Variants in TMEM51 observed in about 807,000 individuals in gnomAD.
TMEM51 encodes the protein chromosome 1 open reading frame 72.
Under a neutral mutation model 13.6 loss-of-function variants are expected in TMEM51, and 8 were observed. That is an observed-to-expected ratio of 0.59 (90% CI 0.35 to 1.07). The LOEUF is 1.07. Among genes scored for constraint, TMEM51 ranks in the 50% least tolerant of loss-of-function variants. The probability of loss-of-function intolerance (pLI) is 0.02; values close to 1 mark genes in which losing one functional copy is unlikely to be tolerated. For synonymous variants in TMEM51, 147 were observed against 144.4 expected, an observed-to-expected ratio of 1.02 and a Z score of -0.13; for missense variants, 279 against 330.7, an observed-to-expected ratio of 0.84 and a Z score of 1.21.
At chr1:15,172,015 T>G (rs1643294418) in intron 1 of TMEM51, among the ~76,000 whole-genome samples, 1 of 152,146 alleles carries the variant, frequency 6.6e-6, no homozygotes, top group Admixed American at 6.5e-5. Context: ...AGGAATCAGA[T>G]TTTCAAACAA....
In TMEM51 at chr1:15,161,094, G is replaced by A. The variant is rs1258493979; in HGVS notation, c.-267+7140G>A. 3.3e-5 allele frequency among the ~76,000 whole-genome samples: 5 copies of A among 152,110 alleles called. No homozygotes were observed. Among genetic ancestry groups the A allele is most frequent in the South Asian group, 2.1e-4 (1 of 4,834 alleles). On this transcript the variant is annotated intron_variant, in intron 1 of 3. Coordinates refer to ENST00000376008, the MANE Select transcript of TMEM51 (RefSeq NM_001136218.2). This position sits in a 1 kb window ranked among gnomAD's most constrained non-coding sequence, Gnocchi z 4.0. Reference sequence around the variant, plus strand: ...GGTGGAGGCAACTGCCTGTGCAAAGGCCTCAAGGTGTAAAAGAGCTTCGTT... The same window carrying A: ...GGTGGAGGCAACTGCCTGTGCAAAGACCTCAAGGTGTAAAAGAGCTTCGTT...
chr1:15,172,325 A>G (rs1192321125), intron 1 of TMEM51, among the ~76,000 whole-genome samples: 2 of 146,066 alleles, frequency 1.4e-5, no homozygotes. Flanking sequence ...TCAAGGCTGC[A>G]GTGAGCCAAG....
intron 1 of TMEM51, among the ~76,000 whole-genome samples, chr1:15,198,919 G>T (rs906787021): frequency 6.6e-6 from 1 of 152,178 alleles, no homozygotes; most frequent in African/African-American, 2.4e-5. Context: ...GGTCAACCCC[G>T]TTTCCGGCCC....
chr1:15,185,453 G>A (rs977851472), intron 1 of TMEM51, among the ~76,000 whole-genome samples: 2 of 152,246 alleles, frequency 1.3e-5, no homozygotes, highest in African/African-American at 4.8e-5. Context: ...TTACTGTACA[G>A]GTGGGAAAAC....
intron 1 of TMEM51, among the ~76,000 whole-genome samples, chr1:15,186,817 G>A (rs970783956): frequency 9.2e-5 from 14 of 152,122 alleles, no homozygotes; most frequent in African/African-American, 3.1e-4. Context: ...GCAGGCCAGG[G>A]GGCAGGGAGA....
intron 1 of TMEM51, among the ~76,000 whole-genome samples, chr1:15,195,622 C>T (rs147701812): frequency 1.4e-4 from 21 of 152,028 alleles, no homozygotes; most frequent in South Asian, 4.1e-4. Context: ...CTTGACTCAT[C>T]GATTCTTCCT....
rs541959699 is a variant in TMEM51 at position 15,163,843 on chromosome 1, G to A, written c.-267+9889G>A. On this transcript the variant is annotated intron_variant, in intron 1 of 3. Transcript: ENST00000376008. The stretch of plus-strand genomic sequence containing the variant: ...GGCTTTTTTTGGGGGGGGGGAGGGG[G>A]GAGGGGACAAAGTCTCACTCTGTTA... Among the ~76,000 whole-genome samples the A allele has an allele frequency of 3.6e-4, 50 of 137,816 alleles. 1 individual carries two copies. The South Asian group carries it at 6.4e-3, about 18-fold the overall frequency. 90.4% of individuals were successfully genotyped at this position (137,816 alleles called of 152,430 possible). A position where few individuals can be genotyped will look rare whatever the true frequency, so the allele number is the denominator to read the frequency against.
chr1:15,181,991 T>C (rs952026495), intron 1 of TMEM51, among the ~76,000 whole-genome samples: 13 of 151,912 alleles, frequency 8.6e-5, no homozygotes, highest in Non-Finnish European at 1.8e-4. Context: ...CAAAACCTTG[T>C]CTCTACTAAA....
At chr1:15,182,032 GCA>G (rs1643631185) in intron 1 of TMEM51, among the ~76,000 whole-genome samples, 5 of 151,908 alleles carry the variant, frequency 3.3e-5, no homozygotes, top group African/African-American at 1.2e-4. Flanking sequence ...GTGGTGGTGT[GCA>G]CCTGTAATCC....
chr1:15,193,112 G>C (rs1643967329), intron 1 of TMEM51, among the ~76,000 whole-genome samples: 1 of 152,222 alleles, frequency 6.6e-6, no homozygotes, highest in Non-Finnish European at 1.5e-5. Flanking sequence ...CGGCGTAGCA[G>C]CCCGCAGAGG....
intron 1 of TMEM51, among the ~76,000 whole-genome samples, chr1:15,155,592 G>A (rs1360009425): frequency 6.6e-6 from 1 of 152,200 alleles, no homozygotes; most frequent in African/African-American, 2.4e-5. Context: ...TCCCCCCAGG[G>A]AACAGGGGAG....
chr1:15,219,638 C>T lies in TMEM51; in HGVS notation c.657C>T (p.Asn219=), dbSNP rs751787714. 13 of 1,614,074 alleles carry T rather than the reference C, an allele frequency of 8.1e-6. No individual in the cohort carries two copies. The highest frequency in any genetic ancestry group is 1.1e-5 in the Non-Finnish European group (13 of 1,180,040). ...TTCACCTCAAAGACTTTAGGATCAA[C>T]CTCCCAGACAAAAACGTCCCTCCTC... ...EKLHLKDFRI[N]LPDKNVPPPS... The change falls in exon 4 of 4, where the codon AAC becomes AAT. Residue 219 remains asparagine (N), a synonymous_variant. Transcript: ENST00000376008.
At chr1:15,203,274 G>C (rs1205929579) in intron 1 of TMEM51, among the ~76,000 whole-genome samples, 2 of 151,976 alleles carry the variant, frequency 1.3e-5, no homozygotes, top group Admixed American at 1.3e-4. Context: ...TTGTTTTTGA[G>C]ACAGAGTCTC....
upstream of TMEM51, among the ~76,000 whole-genome samples, chr1:15,153,576 T>G (rs988639386): frequency 7.9e-5 from 12 of 151,612 alleles, no homozygotes; most frequent in Middle Eastern, 3.5e-3. Flanking sequence ...CGCTGGGGAG[T>G]GGGTGCCCGC....
chr1:15,168,993 A>G (rs1322482953), intron 1 of TMEM51, among the ~76,000 whole-genome samples: 1 of 152,216 alleles, frequency 6.6e-6, no homozygotes, highest in Non-Finnish European at 1.5e-5. Flanking sequence ...TGCTAGCTAC[A>G]TACAGTGCAA....
intron 1 of TMEM51, chr1:15,191,762 T>C: frequency 3.1e-6 from 1 of 323,054 alleles, no homozygotes; most frequent in South Asian, 2.8e-5. Context: ...TTTTTGAAGT[T>C]TGCAAATCTT....
At chr1:15,172,471 G>T (rs1280298976) in intron 1 of TMEM51, among the ~76,000 whole-genome samples, 1 of 149,604 alleles carries the variant, frequency 6.7e-6, no homozygotes, top group Admixed American at 6.7e-5. Flanking sequence ...GAGAGAGAAA[G>T]AAGAAAAAAG....
At chr1:15,217,035 A>G (rs1157409755) in intron 3 of TMEM51, among the ~76,000 whole-genome samples, 2 of 152,198 alleles carry the variant, frequency 1.3e-5, no homozygotes, top group African/African-American at 4.8e-5. Flanking sequence ...TGGGAAGGGA[A>G]TTGTTCTTAA....
Position 15,159,055 on chromosome 1 carries a change from A to G in TMEM51, c.-267+5101A>G, listed in dbSNP as rs999993545. Among the ~76,000 whole-genome samples the G allele has an allele frequency of 6.6e-5, 10 of 152,214 alleles. 1 individual carries two copies. Among genetic ancestry groups the G allele is most frequent in the African/African-American group, 2.4e-4 (10 of 41,442 alleles). On this transcript the variant is annotated intron_variant, in intron 1 of 3. Coordinates refer to ENST00000376008, the MANE Select transcript of TMEM51 (RefSeq NM_001136218.2). ...ATACTGTGATCCTGGGAAACCTTGG[A>G]TGGGTCCTAGAAGCAACTCAGGGGT...
Sources: gnomAD v4.1 joint callset for allele counts (sites outside exome capture counted in the v4.1 genomes callset) on GRCh38, gnomAD v4.1.1 for gene constraint, Gnocchi (gnomAD v3.1) non-coding constraint, MANE v1.5 for transcripts, NCBI Gene and HGNC (gene_info 2026-07-23, HGNC 2026-07-21) for gene names.